UNC5D: variants seen among roughly 807,000 people sequenced by gnomAD.
UNC5D encodes unc-5 netrin receptor D.
UNC5D carries 39 observed loss-of-function variants against 105.4 expected under a neutral mutation model. That is an observed-to-expected ratio of 0.37 (90% CI 0.29 to 0.48). The LOEUF (loss-of-function observed/expected upper bound fraction) is 0.48. Among genes scored for constraint, UNC5D ranks in the 20% least tolerant of loss-of-function variants. The pLI is 0.98. For synonymous variants in UNC5D, 452 were observed against 450.4 expected (o/e 1.00, Z -0.04); for missense variants, 991 against 1,202.4 (o/e 0.82, Z 2.60).
At chr8:35,364,195 A>G (rs1056465458) in intron 1 of UNC5D, among the ~76,000 whole-genome samples, 11 of 151,892 alleles carry the variant, frequency 7.2e-5, no homozygotes, top group Non-Finnish European at 1.6e-4. Context: ...AAATAAATAA[A>G]TTTTCATTAT....
At chr8:35,585,290 T>A (rs1818712484) in intron 3 of UNC5D, among the ~76,000 whole-genome samples, 1 of 152,200 alleles carries the variant, frequency 6.6e-6, no homozygotes, top group South Asian at 2.1e-4. Flanking sequence ...AGCGTCAGCA[T>A]GACAGGACCT....
At chr8:35,591,715 C>T (rs1452035770) in intron 3 of UNC5D, among the ~76,000 whole-genome samples, 3 of 152,034 alleles carry the variant, frequency 2.0e-5, no homozygotes, top group African/African-American at 7.2e-5. Context: ...TATTAAGAAC[C>T]TGCCCTGTAT....
At chr8:35,425,072 T>G (rs1381641890) in intron 1 of UNC5D, among the ~76,000 whole-genome samples, 2 of 152,224 alleles carry the variant, frequency 1.3e-5, no homozygotes, top group Middle Eastern at 6.8e-3. Context: ...CATTAGGAGA[T>G]ATACCTAATG....
intron 2 of UNC5D, among the ~76,000 whole-genome samples, chr8:35,556,294 A>G (rs1816546663): frequency 6.6e-6 from 1 of 152,210 alleles, no homozygotes; most frequent in South Asian, 2.1e-4. Flanking sequence ...CGAGAACATA[A>G]CAGGGCTAAT....
At chr8:35,320,856 G>A (rs1225958590) in intron 1 of UNC5D, among the ~76,000 whole-genome samples, 1 of 152,102 alleles carries the variant, frequency 6.6e-6, no homozygotes, top group African/African-American at 2.4e-5. Flanking sequence ...TGGGGGGCTT[G>A]GAGTTTTATT....
At chr8:35,659,991 A>G (rs1824013478) in intron 4 of UNC5D, among the ~76,000 whole-genome samples, 1 of 152,240 alleles carries the variant, frequency 6.6e-6, no homozygotes, top group African/African-American at 2.4e-5. Flanking sequence ...TTTAAGGAAG[A>G]GTTCACTTCC....
chr8:35,406,545 G>A (rs1176582604), intron 1 of UNC5D, among the ~76,000 whole-genome samples: 1 of 152,162 alleles, frequency 6.6e-6, no homozygotes, highest in Non-Finnish European at 1.5e-5. Flanking sequence ...TTGGTCTAAA[G>A]AAGTTCAAAG....
At chr8:35,275,902 A>C (rs1805742685) in intron 1 of UNC5D, among the ~76,000 whole-genome samples, 1 of 152,156 alleles carries the variant, frequency 6.6e-6, no homozygotes, top group Non-Finnish European at 1.5e-5. Context: ...GAAACAAAAT[A>C]GTTTAACATT....
In UNC5D at chr8:35,275,690, G is replaced by A. The variant is rs142919612; in HGVS notation, c.103+39803G>A. On this transcript the variant is annotated intron_variant, in intron 1 of 16. Coordinates refer to ENST00000404895, the MANE Select transcript of UNC5D (RefSeq NM_080872.4). ...CCATTTACTCTCTGTGTGACCTGGA[G>A]GAAATCACTGTGGCAGTTTCCTCAT... is the stretch of plus-strand genomic sequence containing the variant. Among the ~76,000 whole-genome samples, 242 of 152,256 alleles carry A rather than the reference G, an allele frequency of 1.6e-3. 2 individuals carry two copies. The highest frequency in any genetic ancestry group is 5.6e-3 in the African/African-American group (233 of 41,556).
At chr8:35,476,783 A>AAGCTC (rs1421416633) in intron 1 of UNC5D, among the ~76,000 whole-genome samples, 1 of 152,128 alleles carries the variant, frequency 6.6e-6, no homozygotes, top group Non-Finnish European at 1.5e-5. Flanking sequence ...TTTCTTCTCA[A>AAGCTC]AGCTCAGGCT....
intron 11 of UNC5D, among the ~76,000 whole-genome samples, chr8:35,744,824 G>A (rs1829924779): frequency 6.6e-6 from 1 of 152,100 alleles, no homozygotes; most frequent in Admixed American, 6.6e-5. Flanking sequence ...AGGCCGAGGT[G>A]GGTGGATCAC....
chr8:35,350,311 A>C (rs1363872640), intron 1 of UNC5D, among the ~76,000 whole-genome samples: 2 of 151,944 alleles, frequency 1.3e-5, no homozygotes, highest in Non-Finnish European at 2.9e-5. Flanking sequence ...CAAAAACATA[A>C]TGTTACCTGA....
chr8:35,747,176 G>A (rs1830052760), intron 11 of UNC5D, among the ~76,000 whole-genome samples: 1 of 152,188 alleles, frequency 6.6e-6, no homozygotes, highest in Non-Finnish European at 1.5e-5. Context: ...ACATGATAAT[G>A]TTACATCTAC....
intron 1 of UNC5D, among the ~76,000 whole-genome samples, chr8:35,304,656 A>AGACAG (rs1173963856): frequency 6.6e-6 from 1 of 152,154 alleles, no homozygotes; most frequent in Admixed American, 6.6e-5. Flanking sequence ...GAATATTAAA[A>AGACAG]GACTGTAATA....
chr8:35,238,714 T>G (rs1802621077), intron 1 of UNC5D, among the ~76,000 whole-genome samples: 1 of 152,202 alleles, frequency 6.6e-6, no homozygotes. Context: ...AGCTGAGCTT[T>G]CATACAATTT....
chr8:35,270,683 A>C (rs920139721), intron 1 of UNC5D, among the ~76,000 whole-genome samples: 83 of 152,324 alleles, frequency 5.4e-4, no homozygotes, highest in African/African-American at 2.0e-3. Context: ...CAGATCTTAA[A>C]TGATAAAATC....
intron 1 of UNC5D, among the ~76,000 whole-genome samples, chr8:35,345,701 A>G (rs545270747): frequency 1.3e-5 from 2 of 152,102 alleles, no homozygotes; most frequent in South Asian, 4.1e-4. Context: ...GCTCACAAAA[A>G]TTTAGAGGAT....
chr8:35,752,937 G>A (rs1413201318), intron 13 of UNC5D, among the ~76,000 whole-genome samples: 1 of 152,120 alleles, frequency 6.6e-6, no homozygotes, highest in Non-Finnish European at 1.5e-5. Context: ...TCACACAATT[G>A]TCTTGGAAGT....
intron 4 of UNC5D, among the ~76,000 whole-genome samples, chr8:35,612,723 C>CTTTTTTTTTTTT (rs57450378): frequency 1.1e-3 from 69 of 64,756 alleles, no homozygotes; most frequent in Non-Finnish European, 1.2e-3. Context: ...AATGTTTTGC[C>CTTTTTTTTTTTT]TTTTTTTTTT....
Sources: gnomAD v4.1 joint callset for allele counts (sites outside exome capture counted in the v4.1 genomes callset) on GRCh38, gnomAD v4.1.1 for gene constraint, MANE v1.5 for transcripts, NCBI Gene and HGNC (gene_info 2026-07-23, HGNC 2026-07-21) for gene names.